KCNQ3: variants seen among roughly 807,000 people sequenced by gnomAD.
KCNQ3 encodes the protein potassium voltage-gated channel subfamily KQT member 3.
Under a neutral mutation model 92.5 loss-of-function variants are expected in KCNQ3, and 30 were observed. The observed-to-expected ratio is 0.32, with a 90% CI of 0.24 to 0.44. The LOEUF (loss-of-function observed/expected upper bound fraction) is 0.44, where lower values mean the gene tolerates loss of function less well. Among genes scored for constraint, KCNQ3 ranks in the 20% least tolerant of loss-of-function variants. KCNQ3 has a pLI of 1.00. For synonymous variants in KCNQ3, 450 were observed against 468.8 expected, an observed-to-expected ratio of 0.96 and a Z score of 0.52; for missense variants, 913 against 1,140.3, an observed-to-expected ratio of 0.80 and a Z score of 2.87.
At position 132,122,025 on chromosome 8, in the gene KCNQ3, A is replaced by G. The variant is rs1824485629; in HGVS notation, c.*7237T>C. 6.6e-6 allele frequency: 1 copy of G among 152,184 alleles called. No individual in the cohort carries two copies. 9.4% of individuals were successfully genotyped at this position (152,184 alleles called of 1,614,324 possible). On this transcript the variant is annotated 3_prime_UTR_variant, in exon 15 of 15. Coordinates refer to ENST00000388996, the MANE Select transcript of KCNQ3 (RefSeq NM_004519.4). ...CCAGGGAACTCATGGGTCTGTGATCATTTTACTGTAAAGCTGAGTGAACGT... is the reference window on the plus strand; with the variant it reads ...CCAGGGAACTCATGGGTCTGTGATCGTTTTACTGTAAAGCTGAGTGAACGT...
At chr8:132,392,422 C>T (rs1195411840) in intron 1 of KCNQ3, among the ~76,000 whole-genome samples, 3 of 152,144 alleles carry the variant, frequency 2.0e-5, no homozygotes, top group Non-Finnish European at 4.4e-5. Context: ...ACACCAGCAT[C>T]CTTGCTGTTC....
intron 1 of KCNQ3, among the ~76,000 whole-genome samples, chr8:132,339,669 T>C (rs1586939708): frequency 6.6e-6 from 1 of 152,234 alleles, no homozygotes; most frequent in African/African-American, 2.4e-5. Context: ...AGATCTCACC[T>C]GGAGAGGGCT....
intron 1 of KCNQ3, among the ~76,000 whole-genome samples, chr8:132,421,364 C>A (rs570977484): frequency 6.6e-6 from 1 of 152,148 alleles, no homozygotes; most frequent in South Asian, 2.1e-4. Flanking sequence ...TCTCAAGAAG[C>A]CAACGCTGGG....
At chr8:132,311,869 T>C (rs927831388) in intron 1 of KCNQ3, among the ~76,000 whole-genome samples, 2 of 152,206 alleles carry the variant, frequency 1.3e-5, no homozygotes, top group African/African-American at 4.8e-5. Flanking sequence ...TGACCTTATT[T>C]GGAAAGAGGG....
chr8:132,376,527 T>C (rs1387372105), intron 1 of KCNQ3, among the ~76,000 whole-genome samples: 1 of 152,198 alleles, frequency 6.6e-6, no homozygotes, highest in Non-Finnish European at 1.5e-5. Flanking sequence ...GAAGCCTACA[T>C]GCTGAGAACT....
chr8:132,171,308 A>G (rs1410364401), intron 7 of KCNQ3, among the ~76,000 whole-genome samples: 2 of 152,172 alleles, frequency 1.3e-5, no homozygotes, highest in Admixed American at 1.3e-4. Flanking sequence ...ATCTAGAGTC[A>G]GGCACACAGA....
At chr8:132,311,727 G>C (rs1372887640) in intron 1 of KCNQ3, among the ~76,000 whole-genome samples, 1 of 152,168 alleles carries the variant, frequency 6.6e-6, no homozygotes, top group South Asian at 2.1e-4. Flanking sequence ...GAACTGAACT[G>C]AGGAAAAAAA....
chr8:132,349,916 G>A (rs1302773455), intron 1 of KCNQ3, among the ~76,000 whole-genome samples: 1 of 152,234 alleles, frequency 6.6e-6, no homozygotes, highest in Non-Finnish European at 1.5e-5. Context: ...GAGGTGAAAT[G>A]ACACGCTGAA....
At chr8:132,323,077 T>C (rs1337262227) in intron 1 of KCNQ3, among the ~76,000 whole-genome samples, 4 of 152,110 alleles carry the variant, frequency 2.6e-5, no homozygotes, top group Admixed American at 2.0e-4. Context: ...TCCGGGAAGC[T>C]TCCTCCACCC....
rs182078521 is a variant in KCNQ3, at chr8:132,438,864, T to C, written c.386+41283A>G. 3.3e-5 allele frequency among the ~76,000 whole-genome samples: 5 copies of C among 151,500 alleles called. No homozygotes were observed. In the South Asian group the frequency reaches 8.4e-4, roughly 26 times the overall value. ...TTGAAGAAGAGATTCAAGCATTGCATGTGGACTTCTATGAAGTGACCTTAA... is the reference window on the plus strand; with the variant it reads ...TTGAAGAAGAGATTCAAGCATTGCACGTGGACTTCTATGAAGTGACCTTAA... On this transcript the variant is annotated intron_variant, in intron 1 of 14. Transcript: ENST00000388996.
chr8:132,321,903 T>A (rs892329332), intron 1 of KCNQ3, among the ~76,000 whole-genome samples: 1 of 152,196 alleles, frequency 6.6e-6, no homozygotes, highest in Non-Finnish European at 1.5e-5. Context: ...GCAGAGTCTC[T>A]TCCAGCATTA....
In KCNQ3 at chr8:132,343,793, T is replaced by C. The variant is rs754522602; in HGVS notation, c.386+136354A>G. ...TCCTGGGTGGCTTTGCTTGTGGCTC[T>C]TCCAGTTTCTATAGTGTGCAGTCTT... On this transcript the variant is annotated intron_variant, in intron 1 of 14. Transcript: ENST00000388996. Among the ~76,000 whole-genome samples, 19 of 152,262 alleles carry C rather than the reference T, an allele frequency of 1.2e-4. 1 individual carries two copies. The highest frequency in any genetic ancestry group is 6.2e-4 in the South Asian group (3 of 4,814).
intron 1 of KCNQ3, among the ~76,000 whole-genome samples, chr8:132,365,559 A>C (rs1819298315): frequency 6.6e-6 from 1 of 152,208 alleles, no homozygotes; most frequent in African/African-American, 2.4e-5. Flanking sequence ...GTGCAACCTT[A>C]GATAAATTAG....
chr8:132,403,032 A>AAAAAG (rs61533581), intron 1 of KCNQ3, among the ~76,000 whole-genome samples: 1 of 148,662 alleles, frequency 6.7e-6, no homozygotes. Flanking sequence ...AAAAAAAAAA[A>AAAAAG]GTGTCAATAT....
intron 1 of KCNQ3, among the ~76,000 whole-genome samples, chr8:132,237,581 G>A (rs552920595): frequency 7.9e-5 from 12 of 152,240 alleles, no homozygotes; most frequent in African/African-American, 2.4e-4. Context: ...TTGGCAACAG[G>A]CAAGGGCTTC....
At chr8:132,421,663 CA>C (rs1820970694) in intron 1 of KCNQ3, among the ~76,000 whole-genome samples, 1 of 152,034 alleles carries the variant, frequency 6.6e-6, no homozygotes, top group South Asian at 2.1e-4. Context: ...TCAGCAAAAA[CA>C]ATGTGTTCCA....
chr8:132,334,505 A>G (rs1818312933), intron 1 of KCNQ3, among the ~76,000 whole-genome samples: 1 of 152,252 alleles, frequency 6.6e-6, no homozygotes, highest in Admixed American at 6.5e-5. Context: ...TCAGAAATAC[A>G]AATAATTGGC....
chr8:132,347,474 CG>C (rs1818725608), intron 1 of KCNQ3, among the ~76,000 whole-genome samples: 2 of 151,960 alleles, frequency 1.3e-5, no homozygotes, highest in Admixed American at 1.3e-4. Context: ...TATTTGCTAG[CG>C]GGGGAGGGAG....
intron 1 of KCNQ3, among the ~76,000 whole-genome samples, chr8:132,441,479 G>A (rs1331692354): frequency 3.3e-5 from 5 of 152,112 alleles, no homozygotes; most frequent in African/African-American, 9.7e-5. Flanking sequence ...GCGTGAACCC[G>A]GAAGGCAGAG....
Sources: gnomAD v4.1 joint callset for allele counts (sites outside exome capture counted in the v4.1 genomes callset) on GRCh38, gnomAD v4.1.1 for gene constraint, MANE v1.5 for transcripts, NCBI Gene and HGNC (gene_info 2026-07-23, HGNC 2026-07-21) for gene names.